Variants in KLHL1 observed in about 807,000 individuals in gnomAD.
KLHL1 encodes kelch like family member 1.
In KLHL1, 47 loss-of-function variants were observed where a neutral mutation model predicts 77.7. The observed-to-expected ratio is 0.60, with a 90% CI of 0.48 to 0.77. The LOEUF is 0.77. Ranked by LOEUF, KLHL1 falls within the 30% of genes least tolerant of loss-of-function variation. The probability of loss-of-function intolerance (pLI) is 0.00; values close to 1 mark genes in which losing one functional copy is unlikely to be tolerated. For synonymous variants in KLHL1, 360 were observed against 325.2 expected (o/e 1.11, Z -1.15); for missense variants, 925 against 910.8 (o/e 1.02, Z -0.20).
At chr13:69,869,110 A>C (rs1466916950) in intron 5 of KLHL1, among the ~76,000 whole-genome samples, 1 of 152,144 alleles carries the variant, frequency 6.6e-6, no homozygotes, top group Non-Finnish European at 1.5e-5. Context: ...TGTTGTATAA[A>C]TTATTGGTTG....
At position 69,785,128 on chromosome 13, in the gene KLHL1, G is replaced by A. The variant is rs866015939; in HGVS notation, c.1639+11610C>T. ...GGGATGGTCTCGATCTCCTGACCTC[G>A]TGATCCGCCCGCCTTGGCCTCCCAA... On this transcript the variant is annotated intron_variant, in intron 7 of 10. Transcript: ENST00000377844. 6.3e-3 allele frequency among the ~76,000 whole-genome samples: 954 copies of A among 151,782 alleles called. 7 individuals carry two copies. The highest frequency in any genetic ancestry group is 0.022 in the African/African-American group (900 of 41,372).
Position 69,828,838 on chromosome 13 carries a change from CT to C in KLHL1, c.1414+10137del, listed in dbSNP as rs1878651538. Among the ~76,000 whole-genome samples, 3 of 150,076 alleles carry C rather than the reference CT, an allele frequency of 2.0e-5. 1 individual carries two copies. Among genetic ancestry groups the C allele is most frequent in the African/African-American group, 7.5e-5 (3 of 40,010 alleles). On this transcript the variant is annotated intron_variant, in intron 6 of 10. Transcript: ENST00000377844. ...CGCAGCAGAAGCAGCCATAATCCCC[CT>C]GGGAAAGTAACTCCATTGGCCAGAG...
At chr13:70,041,910 A>G (rs1208972441) in intron 1 of KLHL1, among the ~76,000 whole-genome samples, 1 of 152,024 alleles carries the variant, frequency 6.6e-6, no homozygotes, top group African/African-American at 2.4e-5. Context: ...TGTTGGCAGG[A>G]GGGGAAGTAA....
chr13:70,099,826 A>G (rs2137452975), intron 1 of KLHL1, among the ~76,000 whole-genome samples: 1 of 152,152 alleles, frequency 6.6e-6, no homozygotes, highest in African/African-American at 2.4e-5. Flanking sequence ...AAAAGTTGTT[A>G]AATTTTTTAT....
In KLHL1 at chr13:69,796,721, A is replaced by G. The variant is rs17727950; in HGVS notation, c.1639+17T>C. 0.26 allele frequency: 398,903 copies of G among 1,532,350 alleles called. 53,138 individuals carry two copies. The highest frequency in any genetic ancestry group is 0.34 in the South Asian group (29,847 of 88,980). The allele number at this position is 1,532,350 out of a possible 1,614,324, so 94.9% of individuals were successfully genotyped here. The stretch of plus-strand genomic sequence containing the variant: ...TAACATGTTTCTAAAAGTAATATCA[A>G]TAAAGTAAGATCTTACCTAGACCAT... On this transcript the variant is annotated intron_variant, in intron 7 of 10. Transcript: ENST00000377844.
chr13:69,861,746 G>C lies in KLHL1; in HGVS notation c.1227+20537C>G, dbSNP rs73508421. 2.2e-5 allele frequency among the ~76,000 whole-genome samples: 3 copies of C among 138,630 alleles called. No individual in the cohort carries two copies. In the Admixed American group the frequency reaches 2.3e-4, roughly 11 times the overall value. The allele number at this position is 138,630 out of a possible 152,430, so 90.9% of individuals were successfully genotyped here. ...GTGGATCACCTGAGGTCGGGAGTTC[G>C]AGATCAGCCTGACCAACATGGAGAA... On this transcript the variant is annotated intron_variant, in intron 5 of 10. Coordinates refer to ENST00000377844, the MANE Select transcript of KLHL1 (RefSeq NM_020866.3).
chr13:69,815,782 A>G (rs1345330658), intron 6 of KLHL1, among the ~76,000 whole-genome samples: 1 of 152,182 alleles, frequency 6.6e-6, no homozygotes, highest in Non-Finnish European at 1.5e-5. Flanking sequence ...AGGTGGCCCA[A>G]GATGAAAGAT....
At chr13:70,055,504 C>T (rs1241191680) in intron 1 of KLHL1, among the ~76,000 whole-genome samples, 1 of 152,000 alleles carries the variant, frequency 6.6e-6, no homozygotes, top group East Asian at 1.9e-4. Context: ...ACAGTAAATA[C>T]ACAGACAAAT....
chr13:69,805,641 A>T (rs1177607807), intron 6 of KLHL1, among the ~76,000 whole-genome samples: 2 of 151,544 alleles, frequency 1.3e-5, no homozygotes, highest in Admixed American at 6.6e-5. Context: ...AGAGCAAACA[A>T]TCTAAAAATA....
intron 1 of KLHL1, among the ~76,000 whole-genome samples, chr13:70,064,997 G>A (rs1886974086): frequency 6.6e-6 from 1 of 152,120 alleles, no homozygotes; most frequent in Non-Finnish European, 1.5e-5. Flanking sequence ...AATGAAGAGT[G>A]CATTATAAGA....
chr13:70,086,542 T>C lies in KLHL1; in HGVS notation c.497+20661A>G, dbSNP rs1161774358. 5.9e-5 allele frequency among the ~76,000 whole-genome samples: 7 copies of C among 118,778 alleles called. No individual in the cohort carries two copies. The South Asian group carries it at 1.9e-3, about 32-fold the overall frequency. The allele number at this position is 118,778 out of a possible 152,430, so 77.9% of individuals were successfully genotyped here. A position where few individuals can be genotyped will look rare whatever the true frequency, so the allele number is the denominator to read the frequency against. On this transcript the variant is annotated intron_variant, in intron 1 of 10. Coordinates refer to ENST00000377844, the MANE Select transcript of KLHL1 (RefSeq NM_020866.3). The stretch of plus-strand genomic sequence containing the variant: ...GAACCAAGATCCTGCCATTGCACTC[T>C]AGCCTGGGTGACAGAGGGAAGCTCT...
intron 4 of KLHL1, among the ~76,000 whole-genome samples, chr13:69,897,439 C>T (rs749387908): frequency 1.5e-4 from 23 of 152,214 alleles, no homozygotes; most frequent in Non-Finnish European, 2.8e-4. Flanking sequence ...CTAATTGAGA[C>T]TTGTGACTTT....
intron 1 of KLHL1, among the ~76,000 whole-genome samples, chr13:70,070,200 G>T (rs978770902): frequency 6.6e-6 from 1 of 151,088 alleles, no homozygotes; most frequent in Non-Finnish European, 1.5e-5. Context: ...TAATTATTGC[G>T]AATTTTCTAA....
At chr13:70,095,779 C>T (rs761503859) in intron 1 of KLHL1, among the ~76,000 whole-genome samples, 11 of 151,942 alleles carry the variant, frequency 7.2e-5, no homozygotes, top group Non-Finnish European at 1.5e-4. Context: ...GCATCTTATT[C>T]CTTCTATCTA....
chr13:69,875,583 T>C (rs1276520427), intron 5 of KLHL1, among the ~76,000 whole-genome samples: 1 of 152,146 alleles, frequency 6.6e-6, no homozygotes, highest in Non-Finnish European at 1.5e-5. Context: ...GTAACATGTA[T>C]ATGTATGAGG....
chr13:69,948,395 T>C (rs965854160), intron 3 of KLHL1, among the ~76,000 whole-genome samples: 4 of 152,110 alleles, frequency 2.6e-5, no homozygotes, highest in Non-Finnish European at 5.9e-5. Flanking sequence ...TAATCATGCC[T>C]AACTCTATCA....
chr13:69,944,484 T>C (rs1266218149), intron 3 of KLHL1, among the ~76,000 whole-genome samples: 1 of 152,176 alleles, frequency 6.6e-6, no homozygotes, highest in Non-Finnish European at 1.5e-5. Context: ...ACATGCTGAG[T>C]CTTGTGAAGT....
intron 1 of KLHL1, among the ~76,000 whole-genome samples, chr13:70,063,579 A>G (rs985696848): frequency 2.0e-5 from 3 of 152,068 alleles, no homozygotes; most frequent in African/African-American, 7.2e-5. Context: ...ATATTATACG[A>G]TATCAGAAAC....
chr13:70,011,527 A>G (rs939943615), intron 1 of KLHL1, among the ~76,000 whole-genome samples: 16 of 152,178 alleles, frequency 1.1e-4, no homozygotes, highest in Admixed American at 2.0e-4. Context: ...GAAAGAATAA[A>G]TGGAAATTAG....
Sources: allele counts gnomAD v4.1 joint callset (sites outside exome capture counted in the v4.1 genomes callset), GRCh38; gene constraint gnomAD v4.1.1; transcripts MANE v1.5; gene names NCBI Gene and HGNC (gene_info 2026-07-23, HGNC 2026-07-21).